The following PPFIA2 variants were observed in gnomAD, a reference collection of about 807,000 sequenced individuals.
PPFIA2 encodes the protein liprin-alpha-2.
A neutral mutation model predicts 175.5 loss-of-function variants in PPFIA2; 46 were observed. The ratio of observed to expected loss-of-function variants is 0.26; its 90% confidence interval spans 0.21 to 0.34. The LOEUF (loss-of-function observed/expected upper bound fraction) is 0.34. Among genes scored for constraint, PPFIA2 ranks in the 10% least tolerant of loss-of-function variants. The pLI, the probability that PPFIA2 is intolerant of heterozygous loss-of-function variation, is 1.00. For missense variants in PPFIA2, 1,179 were observed against 1,506.1 expected (o/e 0.78, Z 3.60); for synonymous variants, 568 against 511.4 (o/e 1.11, Z -1.49).
At chr12:81,297,272 T>G (rs551287967) in intron 23 of PPFIA2, among the ~76,000 whole-genome samples, 1 of 152,256 alleles carries the variant, frequency 6.6e-6, no homozygotes, top group South Asian at 2.1e-4. Flanking sequence ...ATTCCCAGAC[T>G]CCTGACCCAT....
intron 9 of PPFIA2, among the ~76,000 whole-genome samples, chr12:81,378,479 C>T (rs1012149619): frequency 6.6e-6 from 1 of 152,080 alleles, no homozygotes; most frequent in Non-Finnish European, 1.5e-5. Flanking sequence ...ATACATACTC[C>T]TAGATTTTAG....
chr12:81,472,914 T>G (rs2056955108), intron 4 of PPFIA2: 2 of 152,218 alleles, frequency 1.3e-5, no homozygotes, highest in Non-Finnish European at 2.9e-5. Flanking sequence ...GGGAAGCACT[T>G]TGTAAAATAC....
At chr12:81,639,854 T>C (rs1004466933) in intron 4 of PPFIA2, among the ~76,000 whole-genome samples, 3 of 152,148 alleles carry the variant, frequency 2.0e-5, no homozygotes, top group Non-Finnish European at 4.4e-5. Context: ...ACCTCTGCCC[T>C]ATGGTGAGCC....
At chr12:81,533,993 A>T (rs1210468992) in intron 4 of PPFIA2, among the ~76,000 whole-genome samples, 1 of 151,642 alleles carries the variant, frequency 6.6e-6, no homozygotes, top group African/African-American at 2.4e-5. Flanking sequence ...GGCCATAAAA[A>T]CATGAAATCC....
chr12:81,637,237 T>C (rs1326663350), intron 4 of PPFIA2, among the ~76,000 whole-genome samples: 3 of 1,200 alleles, frequency 2.5e-3, no homozygotes, highest in African/African-American at 0.01. Context: ...GCCAGGCTAA[T>C]TTTTTTTTTT....
chr12:81,268,312 G>C (rs893340549), intron 28 of PPFIA2, among the ~76,000 whole-genome samples: 1 of 150,776 alleles, frequency 6.6e-6, no homozygotes, highest in Non-Finnish European at 1.5e-5. Context: ...CTAATTTTTT[G>C]TATTTTTAGT....
At chr12:81,702,377 C>T (rs1223056045) in intron 3 of PPFIA2, among the ~76,000 whole-genome samples, 1 of 152,106 alleles carries the variant, frequency 6.6e-6, no homozygotes, top group Non-Finnish European at 1.5e-5. Context: ...ACTAGTTTCT[C>T]CACTATATTA....
intron 5 of PPFIA2, among the ~76,000 whole-genome samples, chr12:81,449,308 A>G (rs147351041): frequency 0.01 from 1,549 of 152,296 alleles, 14 homozygotes; most frequent in Non-Finnish European, 0.016. Flanking sequence ...GCTATTCACC[A>G]TGAAGCAAGC....
Position 81,553,229 on chromosome 12 carries a change from T to C in PPFIA2, c.304-95363A>G, listed in dbSNP as rs996293290. Among the ~76,000 whole-genome samples the C allele has an allele frequency of 2.6e-5, 4 of 151,976 alleles. No homozygotes were observed. The South Asian group carries it at 6.2e-4, about 24-fold the overall frequency. ...TAAATAAGGGAAATAAATTGAAGCA[T>C]TCTAAGCAAAGGAAATAAAAATAGG... On this transcript the variant is annotated intron_variant, in intron 4 of 32. Coordinates refer to ENST00000549396, the MANE Select transcript of PPFIA2 (RefSeq NM_003625.5).
At chr12:81,270,816 C>A (rs987281044) in intron 28 of PPFIA2, 1 of 152,090 alleles carries the variant, frequency 6.6e-6, no homozygotes, top group Non-Finnish European at 1.5e-5. Context: ...TCAGTAACAC[C>A]CATTATGAAC....
intron 3 of PPFIA2, among the ~76,000 whole-genome samples, chr12:81,690,725 T>C (rs912875958): frequency 6.6e-6 from 1 of 152,134 alleles, no homozygotes; most frequent in African/African-American, 2.4e-5. Context: ...ACAAATTTAT[T>C]ATTTCACAGA....
At chr12:81,536,554 T>C (rs889471945) in intron 4 of PPFIA2, among the ~76,000 whole-genome samples, 1 of 150,742 alleles carries the variant, frequency 6.6e-6, no homozygotes, top group African/African-American at 2.4e-5. Context: ...AAATTTTATA[T>C]TGAAAAAAAT....
chr12:81,702,553 T>G (rs1218346060), intron 3 of PPFIA2, among the ~76,000 whole-genome samples: 1 of 152,132 alleles, frequency 6.6e-6, no homozygotes, highest in African/African-American at 2.4e-5. Flanking sequence ...CAGTAAGGAT[T>G]GTGGGTTTTA....
intron 4 of PPFIA2, among the ~76,000 whole-genome samples, chr12:81,667,903 T>C (rs747577038): frequency 6.6e-6 from 1 of 152,062 alleles, no homozygotes; most frequent in African/African-American, 2.4e-5. Flanking sequence ...TTCTATCTGC[T>C]TCATAGGTCT....
At chr12:81,679,954 G>C (rs1013091184) in intron 3 of PPFIA2, among the ~76,000 whole-genome samples, 2 of 152,054 alleles carry the variant, frequency 1.3e-5, no homozygotes, top group Admixed American at 1.3e-4. Flanking sequence ...AACTAAAAGT[G>C]AGTCAATATT....
chr12:81,745,762 C>T (rs1357594974), intron 3 of PPFIA2, among the ~76,000 whole-genome samples: 1 of 152,088 alleles, frequency 6.6e-6, no homozygotes, highest in East Asian at 1.9e-4. Flanking sequence ...CCTTCATCTG[C>T]TATATGGGCA....
intron 7 of PPFIA2, among the ~76,000 whole-genome samples, chr12:81,415,195 AAAAAAAAAAAAAAAAATATATATATAT>A (rs2044779506): frequency 1.9e-5 from 1 of 52,880 alleles, no homozygotes; most frequent in African/African-American, 7.5e-5. Context: ...AAAAAAAAAA[AAAAAAAAAAAAAAAAATATATATATAT>A]ATATATATAT....
intron 7 of PPFIA2, among the ~76,000 whole-genome samples, chr12:81,421,409 G>T (rs1294677850): frequency 1.3e-5 from 2 of 151,984 alleles, no homozygotes; most frequent in African/African-American, 4.8e-5. Flanking sequence ...GTAAAAAGGG[G>T]AGTAAAAGTG....
At chr12:81,755,009 C>T (rs2084415890) in intron 2 of PPFIA2, among the ~76,000 whole-genome samples, 1 of 152,032 alleles carries the variant, frequency 6.6e-6, no homozygotes, top group African/African-American at 2.4e-5. Flanking sequence ...CTTAATATTC[C>T]CTTTTTCCTG....
Sources: allele counts gnomAD v4.1 joint callset (sites outside exome capture counted in the v4.1 genomes callset), GRCh38; gene constraint gnomAD v4.1.1; transcripts MANE v1.5; gene names NCBI Gene and HGNC (gene_info 2026-07-23, HGNC 2026-07-21).